The following GPHN variants were observed in gnomAD, a reference collection of about 807,000 sequenced individuals.
GPHN encodes gephyrin.
A neutral mutation model predicts 95.5 loss-of-function variants in GPHN; 17 were observed. That is an observed-to-expected ratio of 0.18 (90% CI 0.12 to 0.27). GPHN has a LOEUF of 0.27. GPHN is among the 10% of genes least tolerant of loss of function. The probability of loss-of-function intolerance (pLI) is 1.00; values close to 1 mark genes in which losing one functional copy is unlikely to be tolerated. For synonymous variants in GPHN, 320 were observed against 322.5 expected, an observed-to-expected ratio of 0.99 and a Z score of 0.08; for missense variants, 660 against 978.1, an observed-to-expected ratio of 0.67 and a Z score of 4.34.
At chr14:67,439,789 C>A in the GPHN span, among the ~76,000 whole-genome samples, 4 of 152,082 alleles carry the variant, frequency 2.6e-5, no homozygotes, top group South Asian at 8.3e-4. Context: ...GTTCTTTATG[C>A]TTTTAGTGTT....
the GPHN span, among the ~76,000 whole-genome samples, chr14:67,551,468 A>AT: frequency 8.7e-4 from 132 of 152,186 alleles, 1 homozygote; most frequent in Non-Finnish European, 1.6e-3. Context: ...TTATATATAT[A>AT]TATTTTTTAC....
chr14:67,311,224 T>A, the GPHN span, among the ~76,000 whole-genome samples: 1 of 147,268 alleles, frequency 6.8e-6, no homozygotes, highest in Non-Finnish European at 1.5e-5. Flanking sequence ...GACAGGAGAA[T>A]CACTTGAACC....
chr14:67,341,402 C>A, the GPHN span, among the ~76,000 whole-genome samples: 1 of 151,936 alleles, frequency 6.6e-6, no homozygotes, highest in African/African-American at 2.4e-5. Flanking sequence ...GCCCGGCAGC[C>A]GCCCCGTCTG....
intron 2 of GPHN, among the ~76,000 whole-genome samples, chr14:66,708,634 A>G (rs1472311405): frequency 6.6e-6 from 1 of 152,170 alleles, no homozygotes; most frequent in Non-Finnish European, 1.5e-5. Context: ...AAAGATTTCA[A>G]TCTAGAGCAG....
chr14:67,432,160 G>A, the GPHN span, among the ~76,000 whole-genome samples: 1 of 152,112 alleles, frequency 6.6e-6, no homozygotes, highest in Non-Finnish European at 1.5e-5. Context: ...TTATCTCGTC[G>A]GATCCCAGCA....
chr14:67,347,579 G>T, the GPHN span: 1 of 724,870 alleles, frequency 1.4e-6, no homozygotes, highest in Non-Finnish European at 2.3e-6. Context: ...TCGCCTCACC[G>T]CAACCTCTGC....
chr14:66,659,065 T>A (rs1220796876), intron 1 of GPHN, among the ~76,000 whole-genome samples: 2 of 151,826 alleles, frequency 1.3e-5, no homozygotes, highest in African/African-American at 2.4e-5. Context: ...TTCAAAAAAA[T>A]GCACTTATTG....
At chr14:66,728,772 T>C (rs1451442435) in intron 2 of GPHN, among the ~76,000 whole-genome samples, 1 of 152,190 alleles carries the variant, frequency 6.6e-6, no homozygotes, top group Non-Finnish European at 1.5e-5. Flanking sequence ...GATGAGACTT[T>C]GGGCTGTGAA....
the GPHN span, among the ~76,000 whole-genome samples, chr14:67,666,009 C>T: frequency 1.2e-4 from 19 of 152,170 alleles, no homozygotes; most frequent in African/African-American, 3.9e-4. Context: ...CAGTCAAAAA[C>T]GGCTACTTCC....
Position 66,827,055 on chromosome 14 carries a change from G to A in GPHN, c.294+2489G>A, listed in dbSNP as rs149902620. Among the ~76,000 whole-genome samples, 520 of 152,122 alleles carry A rather than the reference G, an allele frequency of 3.4e-3. 3 individuals are homozygous for A. The highest frequency in any genetic ancestry group is 4.4e-3 in the Non-Finnish European group (297 of 67,998). On this transcript the variant is annotated intron_variant, in intron 4 of 22. Coordinates refer to ENST00000478722, the MANE Select transcript of GPHN (RefSeq NM_020806.5). ...TCCCAGCACTTTGAGAGGCCCAGGC[G>A]GGTGGATCAGTTGAGGCAAGGAGTT... is the stretch of plus-strand genomic sequence containing the variant.
chr14:66,573,387 C>T (rs548080752), intron 1 of GPHN, among the ~76,000 whole-genome samples: 44 of 151,360 alleles, frequency 2.9e-4, no homozygotes, highest in South Asian at 1.0e-3. Flanking sequence ...ATGTTGGGTG[C>T]ATATAAACTT....
chr14:66,648,943 G>C (rs1364918214), intron 1 of GPHN, among the ~76,000 whole-genome samples: 1 of 152,136 alleles, frequency 6.6e-6, no homozygotes, highest in Non-Finnish European at 1.5e-5. Flanking sequence ...GACAAACCCA[G>C]AGATTGAGGG....
intron 6 of GPHN, among the ~76,000 whole-genome samples, chr14:66,919,058 A>G (rs1044339958): frequency 6.6e-6 from 1 of 152,142 alleles, no homozygotes; most frequent in Non-Finnish European, 1.5e-5. Flanking sequence ...TACGTTATAG[A>G]TAATAGTGAG....
chr14:67,074,950 A>G (rs1218403379), intron 11 of GPHN, among the ~76,000 whole-genome samples: 3 of 152,224 alleles, frequency 2.0e-5, no homozygotes, highest in Non-Finnish European at 2.9e-5. Context: ...AGCAACAGCA[A>G]GTTATCCAGA....
the GPHN span, among the ~76,000 whole-genome samples, chr14:67,676,254 G>A: frequency 7.7e-3 from 1,168 of 152,078 alleles, 15 homozygotes; most frequent in African/African-American, 0.027. Flanking sequence ...GTATCTCCTG[G>A]GCCCTCATTT....
rs1294264992 is a variant in GPHN at position 67,027,286 on chromosome 14, A to G, written c.1006+3611A>G. ...CAAGTAAAATAAAAAAATTTTACAG[A>G]TGAGAATTTATATTTCAGCACTGTA... On this transcript the variant is annotated intron_variant, in intron 10 of 22. Transcript: ENST00000478722. Among the ~76,000 whole-genome samples the G allele has an allele frequency of 2.0e-5, 3 of 152,138 alleles. No individual in the cohort carries two copies. In the East Asian group the frequency reaches 5.8e-4, roughly 29 times the overall value.
At chr14:67,428,235 C>T in the GPHN span, among the ~76,000 whole-genome samples, 52 of 151,830 alleles carry the variant, frequency 3.4e-4, no homozygotes, top group Middle Eastern at 3.4e-3. Context: ...GCCTTTTTAG[C>T]CTCCACCTAT....
At chr14:66,681,768 AT>A (rs1021155568) in intron 2 of GPHN, among the ~76,000 whole-genome samples, 23 of 151,762 alleles carry the variant, frequency 1.5e-4, no homozygotes, top group Middle Eastern at 3.4e-3. Context: ...TATTTCATAA[AT>A]TTTTTTTACA....
the GPHN span, chr14:67,578,704 A>G: frequency 1.1e-6 from 1 of 951,274 alleles, no homozygotes; most frequent in Non-Finnish European, 1.7e-6. This position sits in a 1 kb window ranked among gnomAD's most constrained non-coding sequence, Gnocchi z 5.0. Flanking sequence ...GGATGAGAGG[A>G]GTCTAGGGCA....
Sources: allele counts gnomAD v4.1 joint callset (sites outside exome capture counted in the v4.1 genomes callset), GRCh38; gene constraint gnomAD v4.1.1; non-coding constraint Gnocchi (gnomAD v3.1); transcripts MANE v1.5; gene names NCBI Gene and HGNC (gene_info 2026-07-23, HGNC 2026-07-21).